ANKS1B: variants seen among roughly 807,000 people sequenced by gnomAD.
ANKS1B encodes the protein ankyrin repeat and sterile alpha motif domain-containing protein 1B.
Under a neutral mutation model 148.3 loss-of-function variants are expected in ANKS1B, and 36 were observed. The ratio of observed to expected loss-of-function variants is 0.24; its 90% confidence interval spans 0.19 to 0.32. ANKS1B has a LOEUF of 0.32. Among genes scored for constraint, ANKS1B ranks in the 10% least tolerant of loss-of-function variants. The pLI, the probability that ANKS1B is intolerant of heterozygous loss-of-function variation, is 1.00. For synonymous variants in ANKS1B, 542 were observed against 560.8 expected (o/e 0.97, Z 0.47); for missense variants, 1,157 against 1,542.6 (o/e 0.75, Z 4.19).
chr12:99,595,286 T>C (rs2097746850), intron 9 of ANKS1B, among the ~76,000 whole-genome samples: 2 of 151,926 alleles, frequency 1.3e-5, no homozygotes, highest in Non-Finnish European at 2.9e-5. Context: ...AAAAGACATA[T>C]GAGTTAGTAA....
At chr12:99,571,012 T>C (rs1250771355) in intron 9 of ANKS1B, among the ~76,000 whole-genome samples, 2 of 152,140 alleles carry the variant, frequency 1.3e-5, no homozygotes, top group Non-Finnish European at 2.9e-5. Context: ...GAAAACTCCA[T>C]AAGGCACTTC....
At chr12:99,387,951 C>T (rs2093937404) in intron 12 of ANKS1B, among the ~76,000 whole-genome samples, 1 of 151,872 alleles carries the variant, frequency 6.6e-6, no homozygotes, top group Non-Finnish European at 1.5e-5. Context: ...ACTCTAAGAA[C>T]AACATACTTA....
chr12:99,934,402 G>A (rs1566031250), intron 1 of ANKS1B, among the ~76,000 whole-genome samples: 1 of 151,998 alleles, frequency 6.6e-6, no homozygotes, highest in Non-Finnish European at 1.5e-5. Context: ...TGGATCCTCG[G>A]CTTCTCTTTG....
intron 12 of ANKS1B, among the ~76,000 whole-genome samples, chr12:99,286,796 G>T (rs2079180635): frequency 6.6e-6 from 1 of 152,178 alleles, no homozygotes; most frequent in Admixed American, 6.5e-5. Context: ...TAGAACAGTG[G>T]TGGCCACAGC....
intron 15 of ANKS1B, among the ~76,000 whole-genome samples, chr12:99,089,395 C>T (rs2053272271): frequency 6.6e-6 from 1 of 152,124 alleles, no homozygotes; most frequent in South Asian, 2.1e-4. Context: ...AAGAATGACC[C>T]CTCAATTGCC....
chr12:99,101,450 G>A (rs555615670), intron 15 of ANKS1B, among the ~76,000 whole-genome samples: 29 of 152,214 alleles, frequency 1.9e-4, no homozygotes, highest in Non-Finnish European at 4.0e-4. Flanking sequence ...ATAGGTATTG[G>A]TAGAAGACAA....
chr12:98,851,977 T>C (rs764569087), intron 17 of ANKS1B, among the ~76,000 whole-genome samples: 39 of 130,690 alleles, frequency 3.0e-4, no homozygotes, highest in Non-Finnish European at 3.7e-4. Context: ...TGAGCCAAGA[T>C]TGTGCCATTG....
chr12:99,884,273 G>A (rs1428049360), intron 1 of ANKS1B, among the ~76,000 whole-genome samples: 2 of 152,174 alleles, frequency 1.3e-5, no homozygotes, highest in African/African-American at 4.8e-5. Context: ...TAGCAAGTAT[G>A]CAGAGCCATT....
At chr12:99,746,155 A>C (rs1327168043) in intron 8 of ANKS1B, among the ~76,000 whole-genome samples, 2 of 152,212 alleles carry the variant, frequency 1.3e-5, no homozygotes, top group African/African-American at 4.8e-5. Context: ...TGAAATCATG[A>C]TATCAATGAA....
chr12:99,890,615 G>A (rs1306667279), intron 1 of ANKS1B, among the ~76,000 whole-genome samples: 3 of 120,764 alleles, frequency 2.5e-5, no homozygotes, highest in African/African-American at 9.4e-5. Flanking sequence ...GTGTGTGTGT[G>A]TGTGTGTGTA....
chr12:98,832,304 C>G (rs1456847146), intron 17 of ANKS1B, among the ~76,000 whole-genome samples, 168 bp from the exon 18 acceptor site: 11 of 152,170 alleles, frequency 7.2e-5, no homozygotes, highest in Admixed American at 6.5e-4. Flanking sequence ...GCAGTAGCAT[C>G]TGGAAAGCCT....
intron 19 of ANKS1B, among the ~76,000 whole-genome samples, chr12:98,811,072 C>T (rs1566774281): frequency 0.019 from 2 of 108 alleles, no homozygotes; most frequent in South Asian, 0.5. Flanking sequence ...CTCTGGCAGC[C>T]GCACTGCTTT....
intron 12 of ANKS1B, among the ~76,000 whole-genome samples, chr12:99,261,046 G>T (rs1043447395): frequency 1.2e-4 from 18 of 152,152 alleles, no homozygotes; most frequent in Admixed American, 6.5e-5. Context: ...CACAGGAAGA[G>T]AAATATTAAC....
intron 1 of ANKS1B, among the ~76,000 whole-genome samples, chr12:99,949,956 C>CTTGT (rs1287561609): frequency 3.1e-4 from 47 of 151,802 alleles, no homozygotes; most frequent in Admixed American, 6.6e-4. Flanking sequence ...ACAAGCCACT[C>CTTGT]TTATTTGTTT....
At chr12:99,256,035 A>G (rs984148724) in intron 12 of ANKS1B, among the ~76,000 whole-genome samples, 1 of 152,208 alleles carries the variant, frequency 6.6e-6, no homozygotes, top group Middle Eastern at 3.4e-3. Context: ...GTTTTTTCCT[A>G]TGAAATATAT....
chr12:99,102,368 G>A (rs1385292544), intron 15 of ANKS1B, among the ~76,000 whole-genome samples: 1 of 152,162 alleles, frequency 6.6e-6, no homozygotes, highest in Non-Finnish European at 1.5e-5. Flanking sequence ...GAGAAAATGT[G>A]CAGCACAGCT....
chr12:99,563,405 C>T (rs182360222), intron 9 of ANKS1B, among the ~76,000 whole-genome samples: 43 of 152,232 alleles, frequency 2.8e-4, no homozygotes, highest in African/African-American at 1.0e-3. Flanking sequence ...CATTGCAGGG[C>T]TATTAATTGG....
chr12:98,786,099 T>G (rs2098792244), intron 22 of ANKS1B, among the ~76,000 whole-genome samples: 1 of 152,186 alleles, frequency 6.6e-6, no homozygotes, highest in African/African-American at 2.4e-5. Context: ...AGGCTCCAAA[T>G]TATTTTAATT....
chr12:99,692,905 T>C (rs979336760), intron 8 of ANKS1B, among the ~76,000 whole-genome samples: 1 of 152,192 alleles, frequency 6.6e-6, no homozygotes, highest in Non-Finnish European at 1.5e-5. Context: ...TATACATGTC[T>C]CAAACTGCAG....
Sources: allele counts gnomAD v4.1 joint callset (sites outside exome capture counted in the v4.1 genomes callset), GRCh38; gene constraint gnomAD v4.1.1; transcripts MANE v1.5; gene names NCBI Gene and HGNC (gene_info 2026-07-23, HGNC 2026-07-21).